CFAP43: variants seen among roughly 807,000 people sequenced by gnomAD.
CFAP43 encodes the protein cilia- and flagella-associated protein 43.
Under a neutral mutation model 218.9 loss-of-function variants are expected in CFAP43, and 155 were observed. The observed-to-expected ratio is 0.71, with a 90% CI of 0.62 to 0.81. The LOEUF (loss-of-function observed/expected upper bound fraction) is 0.81. Ranked by LOEUF, CFAP43 falls within the 30% of genes least tolerant of loss-of-function variation. CFAP43 has a pLI of 0.00. For missense variants in CFAP43, 1,778 were observed against 1,954.3 expected, an observed-to-expected ratio of 0.91 and a Z score of 1.70; for synonymous variants, 645 against 681.3, an observed-to-expected ratio of 0.95 and a Z score of 0.83.
In CFAP43 at chr10:104,187,456, TTCAGCCTTCCTC is replaced by T; in HGVS notation, c.1712_1723del (p.Arg571_Leu574del). ...CAGGTACTTATGAATGATTTCATCT[TTCAGCCTTCCTC>T]TTTCATCAGCAAAGGTTGTGGAAAC... On this transcript the variant is annotated inframe_deletion, in exon 14 of 38. Coordinates refer to ENST00000357060, the MANE Select transcript of CFAP43 (RefSeq NM_025145.7). 1 of 1,596,412 alleles carries T rather than the reference TTCAGCCTTCCTC, an allele frequency of 6.3e-7. No individual in the cohort carries two copies. Among genetic ancestry groups the T allele is most frequent in the South Asian group, 1.1e-5 (1 of 87,568 alleles).
intron 5 of CFAP43, among the ~76,000 whole-genome samples, chr10:104,210,781 C>CTGT (rs2090833319): frequency 9.4e-6 from 1 of 106,218 alleles, no homozygotes; most frequent in South Asian, 3.5e-4. Flanking sequence ...ACGTGAAACA[C>CTGT]TCTTTTTTTT....
At chr10:104,155,804 C>T (rs951958192) in intron 27 of CFAP43, among the ~76,000 whole-genome samples, 1 of 151,650 alleles carries the variant, frequency 6.6e-6, no homozygotes, top group Non-Finnish European at 1.5e-5. Flanking sequence ...TACAGGTGTT[C>T]AAGTCAAGAG....
chr10:104,196,768 A>ACGT, intron 10 of CFAP43, 85 bp downstream of exon 10: 1 of 1,142,686 alleles, frequency 8.8e-7, no homozygotes, highest in South Asian at 1.6e-5. Flanking sequence ...AAGTATTTCT[A>ACGT]CAGACTATTG....
chr10:104,231,149 T>C (rs902650321), intron 1 of CFAP43, among the ~76,000 whole-genome samples: 3 of 152,204 alleles, frequency 2.0e-5, no homozygotes, highest in Admixed American at 6.5e-5. Context: ...GGGTCTTCTA[T>C]ACTTGGAAGA....
chr10:104,195,022 T>C (rs2090345075), intron 10 of CFAP43, among the ~76,000 whole-genome samples: 2 of 152,208 alleles, frequency 1.3e-5, no homozygotes, highest in Non-Finnish European at 2.9e-5. Context: ...TCAGCTGAAA[T>C]TCTCCTTCAT....
chr10:104,190,504 A>G (rs1301657828), intron 12 of CFAP43, among the ~76,000 whole-genome samples: 1 of 152,220 alleles, frequency 6.6e-6, no homozygotes, highest in African/African-American at 2.4e-5. Context: ...ATCAGCTACC[A>G]TGATTTCAAG....
intron 3 of CFAP43, among the ~76,000 whole-genome samples, chr10:104,225,035 T>C (rs1487725607): frequency 2.0e-5 from 3 of 152,186 alleles, no homozygotes; most frequent in African/African-American, 7.2e-5. Context: ...AGTGGTATAA[T>C]GTTCCACTCT....
rs186349069 is a variant in CFAP43, at chr10:104,130,795, C to T, written c.4832-490G>A. Among the ~76,000 whole-genome samples, 551 of 151,888 alleles carry T rather than the reference C, an allele frequency of 3.6e-3. 3 individuals carry two copies. Among genetic ancestry groups the T allele is most frequent in the Middle Eastern group, 0.017 (5 of 292 alleles). On this transcript the variant is annotated intron_variant, in intron 37 of 37. Coordinates refer to ENST00000357060, the MANE Select transcript of CFAP43 (RefSeq NM_025145.7). ...GGCGGATCTCTTGAGCTCAGGAGTTCGAGGCCAGCCTGGCCAACATGGCAA... is the reference window on the plus strand; with the variant it reads ...GGCGGATCTCTTGAGCTCAGGAGTTTGAGGCCAGCCTGGCCAACATGGCAA...
At chr10:104,179,179 G>GAA in intron 18 of CFAP43, 73 bp from the exon 19 acceptor site, 1 of 1,167,410 alleles carries the variant, frequency 8.6e-7, no homozygotes, top group Non-Finnish European at 1.2e-6. Context: ...GAGAGAGAGA[G>GAA]AGCAATTCTC....
At chr10:104,203,938 A>G (rs1217905590) in intron 7 of CFAP43, 135 bp from the exon 8 acceptor site, 7 of 702,732 alleles carry the variant, frequency 1.0e-5, no homozygotes, top group Non-Finnish European at 1.5e-5. Flanking sequence ...GCATAGATGC[A>G]CTGTCCTCTC....
intron 34 of CFAP43, among the ~76,000 whole-genome samples, chr10:104,135,466 A>G (rs190033085): frequency 9.2e-5 from 14 of 152,312 alleles, no homozygotes; most frequent in Non-Finnish European, 1.9e-4. Flanking sequence ...ATGAGTCTAT[A>G]TATATAGAGA....
intron 32 of CFAP43, 137 bp downstream of exon 32, chr10:104,143,289 T>C: frequency 1.3e-6 from 1 of 748,700 alleles, no homozygotes; most frequent in Non-Finnish European, 2.1e-6. Flanking sequence ...TAGTATTTCA[T>C]TATCTTATTA....
intron 20 of CFAP43, among the ~76,000 whole-genome samples, chr10:104,171,862 T>C (rs2089426783): frequency 6.6e-6 from 1 of 152,178 alleles, no homozygotes; most frequent in South Asian, 2.1e-4. Flanking sequence ...GCAAATATAA[T>C]TAATCCAGAG....
intron 1 of CFAP43, 22 bp downstream of exon 1, chr10:104,232,160 C>T (rs1435832687): frequency 1.2e-6 from 2 of 1,601,842 alleles, no homozygotes; most frequent in Non-Finnish European, 1.7e-6. Context: ...CCAGATCGGT[C>T]GCGGGGCCGT....
At chr10:104,192,704 T>C (rs573875764) in intron 11 of CFAP43, 28 of 177,750 alleles carry the variant, frequency 1.6e-4, no homozygotes, top group Non-Finnish European at 3.0e-4. Flanking sequence ...TAGTGAAACA[T>C]GTCTACAACT....
chr10:104,167,536 T>C, intron 22 of CFAP43, 85 bp downstream of exon 22: 2 of 999,784 alleles, frequency 2.0e-6, no homozygotes, highest in Non-Finnish European at 2.8e-6. Context: ...TAAACTTAAA[T>C]TACATCCCAA....
At chr10:104,142,178 G>GCT in intron 33 of CFAP43, 103 bp downstream of exon 33, 1 of 843,350 alleles carries the variant, frequency 1.2e-6, no homozygotes, top group Non-Finnish European at 1.8e-6. Flanking sequence ...GAAGGGAGAT[G>GCT]GCTGTAAAGC....
At chr10:104,150,003 T>C (rs1371731558) in intron 28 of CFAP43, among the ~76,000 whole-genome samples, 1 of 152,208 alleles carries the variant, frequency 6.6e-6, no homozygotes, top group Non-Finnish European at 1.5e-5. Context: ...AATTTGCCGT[T>C]TTAGAAACTA....
At position 104,146,270 on chromosome 10, in the gene CFAP43, T is replaced by C. The variant is rs1222088980; in HGVS notation, c.3848A>G (p.Glu1283Gly). 1 of 1,613,564 alleles carries C rather than the reference T, an allele frequency of 6.2e-7. No homozygotes were observed. Among genetic ancestry groups the C allele is most frequent in the Non-Finnish European group, 8.5e-7 (1 of 1,179,526 alleles). ...TAAGACAACAACTCTCACTTTGTCT[T>C]CTGCCAGTAAGTTGTCATAGTGCTC... ...CKEHYDNLLA[E>G]DKVMDRSFKK... Residue 1283 changes from glutamate (E) to glycine (G), a missense_variant, in exon 30 of 38, where the codon GAA becomes GGA. Glu to Gly is a moderately conservative substitution (Grantham distance 98). Coordinates refer to ENST00000357060, the MANE Select transcript of CFAP43 (RefSeq NM_025145.7).
Sources: allele counts gnomAD v4.1 joint callset (sites outside exome capture counted in the v4.1 genomes callset), GRCh38; gene constraint gnomAD v4.1.1; transcripts MANE v1.5; gene names NCBI Gene and HGNC (gene_info 2026-07-23, HGNC 2026-07-21).